LUC7L2: variants seen among roughly 807,000 people sequenced by gnomAD.
The protein encoded by LUC7L2 is putative RNA-binding protein Luc7-like 2.
In LUC7L2, 25 loss-of-function variants were observed where a neutral mutation model predicts 52.8. That is an observed-to-expected ratio of 0.47 (90% confidence interval 0.34 to 0.66). The LOEUF (loss-of-function observed/expected upper bound fraction) is 0.66. Ranked by LOEUF, LUC7L2 falls within the 30% of genes least tolerant of loss-of-function variation. LUC7L2 has a pLI of 0.01. For synonymous variants in LUC7L2, 144 were observed against 160.9 expected (o/e 0.89, Z 0.80); for missense variants, 328 against 497.8 (o/e 0.66, Z 3.25).
At chr7:139,406,241 A>G (rs1795108199) in intron 5 of LUC7L2, among the ~76,000 whole-genome samples, 1 of 151,822 alleles carries the variant, frequency 6.6e-6, no homozygotes, top group African/African-American at 2.4e-5. Flanking sequence ...TAGTAGAGAC[A>G]GGGTTTCTCC....
At chr7:139,421,674 G>T (rs1795911861) in intron 9 of LUC7L2, among the ~76,000 whole-genome samples, 1 of 152,174 alleles carries the variant, frequency 6.6e-6, no homozygotes, top group Non-Finnish European at 1.5e-5. Context: ...GGCCAAATCT[G>T]GCCGGTAGCC....
chr7:139,404,737 T>C (rs74610020), intron 4 of LUC7L2, among the ~76,000 whole-genome samples: 1,955 of 152,088 alleles, frequency 0.013, 45 homozygotes, highest in African/African-American at 0.045. Context: ...ACTCATAGAG[T>C]GGAGTTGCCA....
intron 1 of LUC7L2, chr7:139,345,403 A>T: frequency 6.6e-7 from 1 of 1,517,230 alleles, no homozygotes; most frequent in Non-Finnish European, 8.8e-7. Context: ...CCTCTGTGCA[A>T]TTTACTTTCA....
rs1795692852 is a variant in LUC7L2, at chr7:139,417,814, T to A, written c.1001+85T>A. 3 of 1,487,448 alleles carry A rather than the reference T, an allele frequency of 2.0e-6. No individual in the cohort carries two copies. In the African/African-American group the frequency reaches 4.2e-5, roughly 21 times the overall value. 92.1% of individuals were successfully genotyped at this position (1,487,448 alleles called of 1,614,324 possible). A position where few individuals can be genotyped will look rare whatever the true frequency, so the allele number is the denominator to read the frequency against. ...TTACTTATGTTACTTATGTTTAGAG[T>A]TCAGATTATTGGTTTGAAACTTTTG... On this transcript the variant is annotated intron_variant, in intron 9 of 9. Coordinates refer to ENST00000354926, the MANE Select transcript of LUC7L2 (RefSeq NM_016019.5).
At chr7:139,419,747 A>G (rs1206740374) in intron 9 of LUC7L2, among the ~76,000 whole-genome samples, 1 of 152,218 alleles carries the variant, frequency 6.6e-6, no homozygotes, top group African/African-American at 2.4e-5. Flanking sequence ...TCCACCATAC[A>G]TGATACATGA....
Position 139,405,742 on chromosome 7 carries a change from A to G in LUC7L2, c.465A>G (p.Val155=). Residue 155 remains valine, a synonymous_variant, in exon 5 of 10, where the codon GTA becomes GTG. Transcript: ENST00000354926. ...AEGNVEESQK[V]MDEVEKARAK... ...GGAATGTGGAGGAATCCCAGAAAGTAATGGATGAAGTAGAGAAAGCACGGG... is the reference window on the plus strand; with the variant it reads ...GGAATGTGGAGGAATCCCAGAAAGTGATGGATGAAGTAGAGAAAGCACGGG... 6.2e-7 allele frequency: 1 copy of G among 1,613,392 alleles called. No homozygotes were observed. Among genetic ancestry groups the G allele is most frequent in the East Asian group, 2.2e-5 (1 of 44,842 alleles).
chr7:139,341,154 G>C, intron 1 of LUC7L2: 1 of 583,000 alleles, frequency 1.7e-6, no homozygotes, highest in East Asian at 3.5e-5. Flanking sequence ...CTGGGTTAGA[G>C]GTCCTGGTAC....
chr7:139,392,939 C>T (rs148409969), intron 2 of LUC7L2, among the ~76,000 whole-genome samples: 626 of 151,564 alleles, frequency 4.1e-3, no homozygotes, highest in Middle Eastern at 0.01. Context: ...TAGGCGTGAG[C>T]AACTGCACCC....
chr7:139,348,435 T>C (rs1036601374), intron 1 of LUC7L2, among the ~76,000 whole-genome samples: 3 of 152,072 alleles, frequency 2.0e-5, no homozygotes, highest in Non-Finnish European at 4.4e-5. Context: ...AAAATAAATA[T>C]TTAGGCCGGG....
intron 1 of LUC7L2, among the ~76,000 whole-genome samples, chr7:139,354,551 G>C (rs1369608500): frequency 6.6e-6 from 1 of 152,146 alleles, no homozygotes; most frequent in Non-Finnish European, 1.5e-5. Flanking sequence ...TAGTAGAGAT[G>C]GGGTTTTGCC....
intron 8 of LUC7L2, chr7:139,416,561 T>A (rs1302648245): frequency 6.6e-6 from 1 of 152,230 alleles, no homozygotes; most frequent in Non-Finnish European, 1.5e-5. Flanking sequence ...TTGTTTTGTC[T>A]TGCTCTCTAT....
At chr7:139,341,757 C>T (rs1255702021) in intron 1 of LUC7L2, among the ~76,000 whole-genome samples, 1 of 152,212 alleles carries the variant, frequency 6.6e-6, no homozygotes, top group Non-Finnish European at 1.5e-5. Flanking sequence ...TCAGCCTGTC[C>T]TGCAGAGGGG....
chr7:139,405,609 G>T (rs1477129875), intron 4 of LUC7L2, 35 bp from the exon 5 acceptor site: 1 of 1,555,434 alleles, frequency 6.4e-7, no homozygotes, highest in Non-Finnish European at 8.6e-7. Flanking sequence ...TCATTCTCTT[G>T]TTTATTCATG....
Position 139,422,598 on chromosome 7 carries a change from T to G in LUC7L2, c.*258T>G, listed in dbSNP as rs1310127252. On this transcript the variant is annotated 3_prime_UTR_variant, in exon 10 of 10. Coordinates refer to ENST00000354926, the MANE Select transcript of LUC7L2 (RefSeq NM_016019.5). ...AATAAGATGCTGATCTCTTTATTCT[T>G]TCAAGTAAGAGTGCTAGTGAACAAA... 11 of 722,040 alleles carry G rather than the reference T, an allele frequency of 1.5e-5. No homozygotes were observed. In the East Asian group the frequency reaches 2.4e-4, roughly 16 times the overall value. 44.7% of individuals were successfully genotyped at this position (722,040 alleles called of 1,614,324 possible). A position where few individuals can be genotyped will look rare whatever the true frequency, so the allele number is the denominator to read the frequency against.
At chr7:139,349,282 C>G (rs142708408) in intron 1 of LUC7L2, among the ~76,000 whole-genome samples, 67 of 152,220 alleles carry the variant, frequency 4.4e-4, no homozygotes, top group Non-Finnish European at 8.5e-4. Context: ...TATCATGAAC[C>G]CTTTTCTAAG....
chr7:139,406,910 C>T (rs886522314), intron 5 of LUC7L2, among the ~76,000 whole-genome samples: 1 of 150,090 alleles, frequency 6.7e-6, no homozygotes, highest in Non-Finnish European at 1.5e-5. Context: ...TTTATTATTT[C>T]CTTATACTCC....
At chr7:139,344,291 C>A (rs1466347238) in intron 1 of LUC7L2, among the ~76,000 whole-genome samples, 2 of 152,124 alleles carry the variant, frequency 1.3e-5, no homozygotes, top group Non-Finnish European at 2.9e-5. Flanking sequence ...GGACACCCCC[C>A]ACCCCCACTC....
intron 9 of LUC7L2, among the ~76,000 whole-genome samples, chr7:139,418,605 A>G (rs781237644): frequency 1.4e-4 from 21 of 150,438 alleles, no homozygotes; most frequent in Non-Finnish European, 2.4e-4. Flanking sequence ...AATCTTTCCT[A>G]TTTTTTTTTG....
intron 4 of LUC7L2, among the ~76,000 whole-genome samples, 175 bp from the exon 5 acceptor site, chr7:139,405,469 G>C (rs1795079146): frequency 6.6e-6 from 1 of 152,204 alleles, no homozygotes; most frequent in Non-Finnish European, 1.5e-5. Context: ...AGGTAAGGCA[G>C]GCAGGCTCAG....
Sources: allele counts gnomAD v4.1 joint callset (sites outside exome capture counted in the v4.1 genomes callset), GRCh38; gene constraint gnomAD v4.1.1; transcripts MANE v1.5; gene names NCBI Gene and HGNC (gene_info 2026-07-23, HGNC 2026-07-21).